SAMD3: variants seen among roughly 807,000 people sequenced by gnomAD.
SAMD3 encodes sterile alpha motif domain-containing protein 3.
A neutral mutation model predicts 58.5 loss-of-function variants in SAMD3; 63 were observed. That is an observed-to-expected ratio of 1.08 (90% CI 0.88 to 1.33). The LOEUF (loss-of-function observed/expected upper bound fraction) is 1.33. Ranked by LOEUF, SAMD3 falls within the 40% of genes most tolerant of loss-of-function variation. SAMD3 has a pLI of 0.00. For synonymous variants in SAMD3, 220 were observed against 210.3 expected (o/e 1.05, Z -0.40); for missense variants, 604 against 608.4 (o/e 0.99, Z 0.08).
At chr6:130,228,162 T>C (rs1378921876) in intron 2 of SAMD3, among the ~76,000 whole-genome samples, 2 of 152,292 alleles carry the variant, frequency 1.3e-5, no homozygotes, top group Non-Finnish European at 2.9e-5. Context: ...ATACATGTTG[T>C]ATATACAAAG....
At chr6:130,185,624 C>A (rs1379898370) in intron 5 of SAMD3, among the ~76,000 whole-genome samples, 2 of 149,966 alleles carry the variant, frequency 1.3e-5, no homozygotes, top group African/African-American at 4.9e-5. Flanking sequence ...ACTGCATCTG[C>A]CCAATTTTTT....
At chr6:130,263,526 C>G (rs1010022272) in intron 2 of SAMD3, among the ~76,000 whole-genome samples, 2 of 152,264 alleles carry the variant, frequency 1.3e-5, no homozygotes, top group Middle Eastern at 3.4e-3. Flanking sequence ...AGCGCCACCC[C>G]CTCCAGAGTC....
chr6:130,215,779 C>T, intron 2 of SAMD3: 1 of 1,529,082 alleles, frequency 6.5e-7, no homozygotes, highest in Non-Finnish European at 8.8e-7. Context: ...TGGTTAACCC[C>T]TTAGTAGACT....
intron 1 of SAMD3, among the ~76,000 whole-genome samples, chr6:130,316,699 T>C (rs1457182148): frequency 6.6e-6 from 1 of 152,184 alleles, no homozygotes; most frequent in Non-Finnish European, 1.5e-5. Context: ...TTTTCAATTT[T>C]TAGAAAGATA....
At chr6:130,351,512 C>T (rs1157848559) in intron 1 of SAMD3, among the ~76,000 whole-genome samples, 2 of 152,166 alleles carry the variant, frequency 1.3e-5, no homozygotes, top group Non-Finnish European at 2.9e-5. Context: ...AAATGCAGAT[C>T]AAAACCACAA....
intron 5 of SAMD3, among the ~76,000 whole-genome samples, chr6:130,196,733 A>G (rs1014520181): frequency 2.6e-5 from 4 of 151,952 alleles, no homozygotes; most frequent in Non-Finnish European, 4.4e-5. Context: ...ATTTGCCCCC[A>G]CCCAGGACTG....
chr6:130,226,766 T>G (rs1360164530), upstream of SAMD3, among the ~76,000 whole-genome samples: 3 of 152,028 alleles, frequency 2.0e-5, no homozygotes, highest in Admixed American at 6.6e-5. Flanking sequence ...AAGCGGAGGT[T>G]GCAGTGAGCC....
chr6:130,340,841 T>A (rs1168433357), intron 1 of SAMD3, among the ~76,000 whole-genome samples: 3 of 152,236 alleles, frequency 2.0e-5, no homozygotes, highest in African/African-American at 7.2e-5. Context: ...CTGGTTTCCT[T>A]TATGATGAAT....
intron 1 of SAMD3, among the ~76,000 whole-genome samples, chr6:130,360,783 G>A (rs1301988696): frequency 1.3e-5 from 2 of 152,028 alleles, no homozygotes; most frequent in Non-Finnish European, 2.9e-5. Context: ...CTACAGTTTC[G>A]ACCATAGAAG....
chr6:130,264,193 T>C lies in SAMD3; in HGVS notation c.-187-41380A>G, dbSNP rs1395395622. On this transcript the variant is annotated intron_variant, in intron 2 of 13. Coordinates refer to the SAMD3 transcript ENST00000368134. ...ATGCATAGGCTGCATGGTAGCTCTT[T>C]TCCCGTATTCTACAGCCTGGAGTAA... 3.3e-5 allele frequency among the ~76,000 whole-genome samples: 5 copies of C among 152,188 alleles called. No individual in the cohort carries two copies. In the East Asian group the frequency reaches 9.6e-4, roughly 29 times the overall value.
intron 5 of SAMD3, among the ~76,000 whole-genome samples, chr6:130,203,582 G>C (rs1461830666): frequency 1.3e-5 from 2 of 152,182 alleles, no homozygotes; most frequent in African/African-American, 4.8e-5. Context: ...TTCCTACAAG[G>C]CTCTTTCATT....
Position 130,246,662 on chromosome 6 carries a change from G to A in SAMD3, c.-187-23849C>T, listed in dbSNP as rs146625657. ...TCCCAGCACTTTGGGAAGCTGAGGC[G>A]GGTGGATCACCTGAGGTCAGGAGTT... On this transcript the variant is annotated intron_variant, in intron 2 of 13. Transcript: ENST00000368134. Among the ~76,000 whole-genome samples, 380 of 152,206 alleles carry A rather than the reference G, an allele frequency of 2.5e-3. 1 individual carries two copies. Among genetic ancestry groups the A allele is most frequent in the African/African-American group, 8.7e-3 (363 of 41,550 alleles).
intron 2 of SAMD3, among the ~76,000 whole-genome samples, chr6:130,295,057 G>A (rs1775520802): frequency 6.6e-6 from 1 of 151,466 alleles, no homozygotes; most frequent in South Asian, 2.1e-4. Flanking sequence ...CCAAGTAGCT[G>A]GGATTACAGG....
chr6:130,260,937 C>T (rs139032761), intron 2 of SAMD3, among the ~76,000 whole-genome samples: 59 of 152,322 alleles, frequency 3.9e-4, no homozygotes, highest in African/African-American at 1.1e-3. Flanking sequence ...TGATGACCCA[C>T]GGTGTACCTT....
At chr6:130,209,770 C>T (rs1176421916) in intron 4 of SAMD3, among the ~76,000 whole-genome samples, 162 bp from the exon 5 acceptor site, 1 of 152,230 alleles carries the variant, frequency 6.6e-6, no homozygotes, top group Non-Finnish European at 1.5e-5. Context: ...AAGAAGGCCC[C>T]TCTGGCGTCA....
At chr6:130,316,319 A>C (rs1027027201) in intron 1 of SAMD3, among the ~76,000 whole-genome samples, 2 of 150,822 alleles carry the variant, frequency 1.3e-5, no homozygotes, top group Non-Finnish European at 3.0e-5. Flanking sequence ...AAAGAATGGA[A>C]TATTAGGAAG....
intron 7 of SAMD3, among the ~76,000 whole-genome samples, chr6:130,179,304 G>A (rs1297569327): frequency 6.6e-6 from 1 of 152,136 alleles, no homozygotes; most frequent in African/African-American, 2.4e-5. Context: ...CCTCAGGTAG[G>A]CAGACTCAGT....
At chr6:130,157,240 G>T (rs989011293) in intron 8 of SAMD3, among the ~76,000 whole-genome samples, 1 of 151,750 alleles carries the variant, frequency 6.6e-6, no homozygotes, top group African/African-American at 2.4e-5. Flanking sequence ...CGCAGAAAAA[G>T]TATCTTATAA....
intron 2 of SAMD3, among the ~76,000 whole-genome samples, chr6:130,306,199 C>T (rs1375680987): frequency 6.6e-6 from 1 of 152,148 alleles, no homozygotes; most frequent in East Asian, 1.9e-4. Context: ...AAAATATTTA[C>T]TTTATCAACT....
Sources: allele counts gnomAD v4.1 joint callset (sites outside exome capture counted in the v4.1 genomes callset), GRCh38; gene constraint gnomAD v4.1.1; transcripts MANE v1.5; gene names NCBI Gene and HGNC (gene_info 2026-07-23, HGNC 2026-07-21).